GABBR2: variants seen among roughly 807,000 people sequenced by gnomAD.
GABBR2 encodes gamma-aminobutyric acid type B receptor subunit 2.
A neutral mutation model predicts 105.6 loss-of-function variants in GABBR2; 23 were observed. The ratio of observed to expected loss-of-function variants is 0.22; its 90% CI spans 0.16 to 0.31. The LOEUF (loss-of-function observed/expected upper bound fraction) is 0.31, where lower values mean the gene tolerates loss of function less well. Ranked by LOEUF, GABBR2 falls within the 10% of genes least tolerant of loss-of-function variation. The probability of loss-of-function intolerance (pLI) is 1.00; values close to 1 mark genes in which losing one functional copy is unlikely to be tolerated. For synonymous variants in GABBR2, 478 were observed against 499.7 expected (o/e 0.96, Z 0.58); for missense variants, 734 against 1,245.5 (o/e 0.59, Z 6.18).
At chr9:98,640,104 G>A (rs1004558270) in intron 1 of GABBR2, among the ~76,000 whole-genome samples, 1 of 136,324 alleles carries the variant, frequency 7.3e-6, no homozygotes, top group Non-Finnish European at 1.5e-5. Context: ...AAAGTTTTGA[G>A]CCTTTGAAAA....
chr9:98,345,347 C>A (rs559060265), intron 13 of GABBR2, among the ~76,000 whole-genome samples: 1 of 152,236 alleles, frequency 6.6e-6, no homozygotes, highest in Non-Finnish European at 1.5e-5. Context: ...TCTTAGCACA[C>A]AAGATCCCTA....
chr9:98,514,550 C>T (rs1207418011), intron 3 of GABBR2, among the ~76,000 whole-genome samples: 2 of 146,206 alleles, frequency 1.4e-5, no homozygotes, highest in African/African-American at 5.1e-5. Flanking sequence ...ATCGCAAGGA[C>T]AAAAAAACAA....
chr9:98,618,568 T>TTCTC (rs370457548), intron 1 of GABBR2, among the ~76,000 whole-genome samples: 2 of 149,322 alleles, frequency 1.3e-5, no homozygotes, highest in African/African-American at 2.5e-5. Context: ...TTCTGTCTAT[T>TTCTC]TCTCTCTCTC....
intron 1 of GABBR2, among the ~76,000 whole-genome samples, chr9:98,701,652 C>A (rs967107020): frequency 1.3e-5 from 2 of 152,106 alleles, no homozygotes; most frequent in Non-Finnish European, 2.9e-5. Context: ...ACTGACCCTA[C>A]CCTCAAGAGC....
chr9:98,596,801 A>T (rs55946876), intron 1 of GABBR2, among the ~76,000 whole-genome samples: 36,472 of 152,060 alleles, frequency 0.24, 4,757 homozygotes, highest in Non-Finnish European at 0.3. Flanking sequence ...GGGCAGAGTC[A>T]CAGATTCTGC....
chr9:98,617,495 G>T (rs1218819309), intron 1 of GABBR2, among the ~76,000 whole-genome samples: 1 of 152,146 alleles, frequency 6.6e-6, no homozygotes, highest in Admixed American at 6.5e-5. Context: ...TCACATTTTT[G>T]TGTTTGTTGG....
At chr9:98,446,427 A>G (rs1826131251) in intron 7 of GABBR2, among the ~76,000 whole-genome samples, 1 of 152,242 alleles carries the variant, frequency 6.6e-6, no homozygotes, top group African/African-American at 2.4e-5. Context: ...ACACAGCTCT[A>G]AGAGATACAT....
At chr9:98,357,455 C>G (rs1257999434) in intron 13 of GABBR2, among the ~76,000 whole-genome samples, 1 of 152,102 alleles carries the variant, frequency 6.6e-6, no homozygotes, top group African/African-American at 2.4e-5. Context: ...GGAGACCAGT[C>G]TAGACAACAT....
At chr9:98,417,016 C>T (rs10986167) in intron 7 of GABBR2, among the ~76,000 whole-genome samples, 52,580 of 152,034 alleles carry the variant, frequency 0.35, 9,817 homozygotes, top group East Asian at 0.69. Context: ...TCTTTGGCAA[C>T]GGCAATGCTC....
At chr9:98,498,074 A>T (rs373649352) in intron 3 of GABBR2, among the ~76,000 whole-genome samples, 16 of 152,278 alleles carry the variant, frequency 1.1e-4, no homozygotes, top group East Asian at 7.7e-4. Context: ...ATTCTGACAC[A>T]TGCTACAACA....
chr9:98,303,329 G>T lies in GABBR2; in HGVS notation c.2324C>A (p.Thr775Asn), dbSNP rs1183961938. Residue 775 changes from threonine (T) to asparagine (N), a missense_variant, in exon 16 of 19, where the codon ACC (threonine) becomes AAC (asparagine). By Grantham distance (65) the Thr-to-Asn change is moderately conservative (BLOSUM62 0). This residue lies in a region of GABBR2 where 91 missense variants were observed against 185.9 expected (regional missense o/e 0.49). Coordinates refer to ENST00000259455, the MANE Select transcript of GABBR2 (RefSeq NM_005458.8). ...NQKKEDSKTS[T>N]SVTSVNQAST... ...GGCTTGGTTCACACTGGTGACCGAG[G>T]TGGACGTTTTAGAATCTTCTTTCTT... 6.2e-7 allele frequency: 1 copy of T among 1,614,120 alleles called. No individual in the cohort carries two copies. The highest frequency in any genetic ancestry group is 8.5e-7 in the Non-Finnish European group (1 of 1,179,922).
chr9:98,363,553 C>G (rs1831624715), intron 12 of GABBR2, among the ~76,000 whole-genome samples: 1 of 152,100 alleles, frequency 6.6e-6, no homozygotes, highest in African/African-American at 2.4e-5. Context: ...CAAACATTTA[C>G]AGCAACAATC....
At chr9:98,328,738 C>A (rs968967066) in intron 13 of GABBR2, among the ~76,000 whole-genome samples, 2 of 152,166 alleles carry the variant, frequency 1.3e-5, no homozygotes, top group African/African-American at 2.4e-5. Context: ...TGCAGACATA[C>A]CAATGAGGCT....
intron 1 of GABBR2, among the ~76,000 whole-genome samples, chr9:98,648,080 GGTGTGT>G (rs1554723457): frequency 3.5e-4 from 24 of 68,016 alleles, no homozygotes; most frequent in African/African-American, 1.5e-3. Context: ...AATCATACAG[GGTGTGT>G]GTGTGTGTGT....
intron 13 of GABBR2, among the ~76,000 whole-genome samples, chr9:98,328,847 G>C (rs1830972201): frequency 6.6e-6 from 1 of 152,150 alleles, no homozygotes; most frequent in Admixed American, 6.5e-5. Flanking sequence ...AGTCGACTAG[G>C]AGACAGGGGG....
At chr9:98,676,101 A>G (rs1181242915) in intron 1 of GABBR2, among the ~76,000 whole-genome samples, 1 of 152,260 alleles carries the variant, frequency 6.6e-6, no homozygotes, top group African/African-American at 2.4e-5. Context: ...CTAGACCCAG[A>G]TAGGTTTGAT....
intron 13 of GABBR2, among the ~76,000 whole-genome samples, chr9:98,318,599 T>G (rs1393970081): frequency 6.6e-6 from 1 of 152,086 alleles, no homozygotes; most frequent in East Asian, 1.9e-4. Flanking sequence ...GCAATTCACC[T>G]CTGATCACGG....
rs939641356 is a variant in GABBR2, at chr9:98,385,777, C to A, written c.1530-5G>T. On this transcript the variant is annotated splice_region_variant and splice_polypyrimidine_tract_variant and intron_variant, in intron 10 of 18. Coordinates refer to ENST00000259455, the MANE Select transcript of GABBR2 (RefSeq NM_005458.8). The stretch of plus-strand genomic sequence containing the variant: ...GGACTCGACATCTTTATGAGCCTGA[C>A]AAGAGAAAGAGACAATAGATTTAAC... The A allele has an allele frequency of 4.4e-6, 7 of 1,606,978 alleles. No homozygotes were observed. Among genetic ancestry groups the A allele is most frequent in the Non-Finnish European group, 6.0e-6 (7 of 1,173,910 alleles).
At chr9:98,556,667 C>T (rs1828590510) in intron 2 of GABBR2, among the ~76,000 whole-genome samples, 1 of 152,148 alleles carries the variant, frequency 6.6e-6, no homozygotes, top group African/African-American at 2.4e-5. Flanking sequence ...TGCAAACCCG[C>T]CACCAACCTG....
Sources: gnomAD v4.1 joint callset for allele counts (sites outside exome capture counted in the v4.1 genomes callset) on GRCh38, gnomAD v4.1.1 for gene constraint, gnomAD v4.1.1 regional missense constraint, MANE v1.5 for transcripts, NCBI Gene and HGNC (gene_info 2026-07-23, HGNC 2026-07-21) for gene names.